The following NFS1 variants were observed in gnomAD, a reference collection of about 807,000 sequenced individuals.
The protein encoded by NFS1 is cysteine desulfurase.
A neutral mutation model predicts 57.3 loss-of-function variants in NFS1; 26 were observed. The observed-to-expected ratio is 0.45, with a 90% CI of 0.33 to 0.63. The LOEUF is 0.63. Among genes scored for constraint, NFS1 ranks in the 20% least tolerant of loss-of-function variants. The pLI is 0.02. For synonymous variants in NFS1, 209 were observed against 216.3 expected (o/e 0.97, Z 0.30); for missense variants, 505 against 605.8 (o/e 0.83, Z 1.75).
Position 35,669,697 on chromosome 20 carries a change from A to G in NFS1, c.1311-12T>C, listed in dbSNP as rs751840049. 28 of 1,613,506 alleles carry G rather than the reference A, an allele frequency of 1.7e-5. No individual in the cohort carries two copies. The highest frequency in any genetic ancestry group is 2.1e-5 in the Non-Finnish European group (25 of 1,179,628). On this transcript the variant is annotated splice_polypyrimidine_tract_variant and intron_variant, in intron 12 of 12. Coordinates refer to ENST00000374092, the MANE Select transcript of NFS1 (RefSeq NM_021100.5). Reference sequence around the variant, plus strand: ...TCTCCCAGAGAGGGCTGCCAAAGAGAAGAGGCATTAAATGAGTGAGGGCTT... The same window carrying G: ...TCTCCCAGAGAGGGCTGCCAAAGAGGAGAGGCATTAAATGAGTGAGGGCTT...
intron 12 of NFS1, among the ~76,000 whole-genome samples, chr20:35,669,976 C>A (rs1004499386): frequency 6.6e-6 from 1 of 152,230 alleles, no homozygotes; most frequent in African/African-American, 2.4e-5. Flanking sequence ...TGGTCATATT[C>A]TTGAAGCTTT....
At chr20:35,676,758 GAAAAAAAAAAAAA>G (rs746820595) in intron 7 of NFS1, among the ~76,000 whole-genome samples, 3 of 18,136 alleles carry the variant, frequency 1.7e-4, no homozygotes, top group Non-Finnish European at 1.8e-4. Context: ...GAGAAAATCA[GAAAAAAAAAAAAA>G]AAAAAAAAAA....
At chr20:35,684,084 G>A (rs2034897019) in intron 5 of NFS1, among the ~76,000 whole-genome samples, 1 of 152,082 alleles carries the variant, frequency 6.6e-6, no homozygotes, top group Admixed American at 6.6e-5. Context: ...TTGCACTCCA[G>A]CTGGGGCGAC....
intron 4 of NFS1, 57 bp downstream of exon 4, chr20:35,696,320 G>T: frequency 8.7e-7 from 1 of 1,147,394 alleles, no homozygotes; most frequent in Non-Finnish European, 1.3e-6. Context: ...ATGATGGAGG[G>T]ACACTATCTC....
intron 2 of NFS1, 57 bp downstream of exon 2, chr20:35,698,424 T>C: frequency 7.8e-7 from 1 of 1,276,620 alleles, no homozygotes; most frequent in East Asian, 2.5e-5. Flanking sequence ...TTTCTTTGCG[T>C]GATCACGCCC....
In NFS1 at chr20:35,699,303, A is replaced by G; in HGVS notation, c.-15T>C. The G allele has an allele frequency of 7.2e-7, 1 of 1,398,248 alleles. No homozygotes were observed. The highest frequency in any genetic ancestry group is 9.2e-7 in the Non-Finnish European group (1 of 1,083,904). 86.6% of individuals were successfully genotyped at this position (1,398,248 alleles called of 1,614,324 possible). ...CGGAGCAGCATGGTCCCGCTGGCAG[A>G]GCCCACCTTCCGAAGCCGCTGCAGT... On this transcript the variant is annotated 5_prime_UTR_variant, in exon 1 of 13. Coordinates refer to ENST00000374092, the MANE Select transcript of NFS1 (RefSeq NM_021100.5). This position sits in a 1 kb window ranked among gnomAD's most constrained non-coding sequence, Gnocchi z 4.4.
rs1020356612 is a variant in NFS1, at chr20:35,669,261, A to G, written c.*361T>C. The G allele has an allele frequency of 5.6e-6, 1 of 178,858 alleles. No homozygotes were observed. The highest frequency in any genetic ancestry group is 2.4e-5 in the African/African-American group (1 of 42,430). 11.1% of individuals were successfully genotyped at this position (178,858 alleles called of 1,614,324 possible). A position where few individuals can be genotyped will look rare whatever the true frequency, so the allele number is the denominator to read the frequency against. Reference sequence around the variant, plus strand: ...GCAGCAGCAGAAGACGAAGACTCAAATGTCCATGTAGAGCATCATGGTCCC... The same window carrying G: ...GCAGCAGCAGAAGACGAAGACTCAAGTGTCCATGTAGAGCATCATGGTCCC... On this transcript the variant is annotated 3_prime_UTR_variant, in exon 13 of 13. Transcript: ENST00000374092.
rs371564648 is a variant in NFS1 at position 35,690,405 on chromosome 20, A to G, written c.561+8T>C. Reference sequence around the variant, plus strand: ...ATTTTTGCTCCTCCTGCCAATAGCCACTCCTACCTTTAGGTCAATGATCCC... The same window carrying G: ...ATTTTTGCTCCTCCTGCCAATAGCCGCTCCTACCTTTAGGTCAATGATCCC... On this transcript the variant is annotated splice_region_variant and intron_variant, in intron 5 of 12. Transcript: ENST00000374092. 6.2e-7 allele frequency: 1 copy of G among 1,610,132 alleles called. No homozygotes were observed.
Position 35,668,066 on chromosome 20 carries a change from A to G in NFS1, c.*1556T>C, listed in dbSNP as rs900651472. On this transcript the variant is annotated 3_prime_UTR_variant, in exon 13 of 13. Coordinates refer to ENST00000374092, the MANE Select transcript of NFS1 (RefSeq NM_021100.5). ...CCAAATTAGCATAGTTTTATGTAAGACTTTTTAATTAGAGGAAAACTGGTA... is the reference window on the plus strand; with the variant it reads ...CCAAATTAGCATAGTTTTATGTAAGGCTTTTTAATTAGAGGAAAACTGGTA... 6.6e-6 allele frequency: 1 copy of G among 152,220 alleles called. No homozygotes were observed. The highest frequency in any genetic ancestry group is 2.4e-5 in the African/African-American group (1 of 41,456). The allele number at this position is 152,220 out of a possible 1,614,324, so 9.4% of individuals were successfully genotyped here.
intron 7 of NFS1, among the ~76,000 whole-genome samples, chr20:35,679,238 C>A (rs1037751207): frequency 2.6e-5 from 4 of 152,172 alleles, no homozygotes; most frequent in Non-Finnish European, 4.4e-5. Flanking sequence ...GTCGCCCAGG[C>A]AGTGGTGTGA....
At chr20:35,674,294 T>C (rs2034702095) in intron 10 of NFS1, 56 bp downstream of exon 10, 12 of 1,383,182 alleles carry the variant, frequency 8.7e-6, no homozygotes, top group Middle Eastern at 2.3e-4. Flanking sequence ...TTTAATAGCC[T>C]GTATGACTCT....
chr20:35,698,810 TA>T (rs1237484322), intron 1 of NFS1: 1 of 1,379,432 alleles, frequency 7.2e-7, no homozygotes, highest in Non-Finnish European at 9.3e-7. Context: ...GTTGAGTTGA[TA>T]TTCAAATGGT....
At chr20:35,678,287 G>A (rs1282145494) in intron 7 of NFS1, among the ~76,000 whole-genome samples, 7 of 152,212 alleles carry the variant, frequency 4.6e-5, no homozygotes, top group South Asian at 2.1e-4. Flanking sequence ...CCCTGGAGGC[G>A]GAGCTTGCAG....
chr20:35,669,529 A>C lies in NFS1; in HGVS notation c.*93T>G. 2.7e-6 allele frequency: 3 copies of C among 1,107,764 alleles called. No homozygotes were observed. Among genetic ancestry groups the C allele is most frequent in the Non-Finnish European group, 4.2e-6 (3 of 721,286 alleles). 68.6% of individuals were successfully genotyped at this position (1,107,764 alleles called of 1,614,324 possible). On this transcript the variant is annotated 3_prime_UTR_variant, in exon 13 of 13. Transcript: ENST00000374092. ...GAAGTCAACTGGTCTATACCAATCT[A>C]GAGCATCCACTAGGTGTAACAAGGT...
rs2034598167 is a variant in NFS1, at chr20:35,668,131, A to C, written c.*1491T>G. ...CTACTATCTTTGCAACTTTTCAGTA[A>C]ATCTAAAATTATTCTAAGTAAAAAA... On this transcript the variant is annotated 3_prime_UTR_variant, in exon 13 of 13. Transcript: ENST00000374092. 1 of 152,232 alleles carries C rather than the reference A, an allele frequency of 6.6e-6. No individual in the cohort carries two copies. Among genetic ancestry groups the C allele is most frequent in the African/African-American group, 2.4e-5 (1 of 41,468 alleles). The allele number at this position is 152,232 out of a possible 1,614,324, so 9.4% of individuals were successfully genotyped here. A position where few individuals can be genotyped will look rare whatever the true frequency, so the allele number is the denominator to read the frequency against.
At position 35,697,684 on chromosome 20, in the gene NFS1, C is replaced by A; in HGVS notation, c.324G>T (p.Gln108His). The A allele has an allele frequency of 6.2e-7, 1 of 1,609,816 alleles. No homozygotes were observed. Among genetic ancestry groups the A allele is most frequent in the Non-Finnish European group, 8.5e-7 (1 of 1,177,332 alleles). ...ESEAAMERARQQVASLIGADP... is the reference protein window; with the variant it reads ...ESEAAMERARHQVASLIGADP... ...ACCTCCTAGACTCCTGTGTACTAAC[C>A]TGACGAGCACGTTCCATGGCTGCCT... The change falls in exon 3 of 13, where the codon CAG becomes CAT. Residue 108 changes from glutamine (Q) to histidine (H), a missense_variant and splice_region_variant. Physicochemically the swap from Gln to His is conservative, Grantham distance 24. Coordinates refer to ENST00000374092, the MANE Select transcript of NFS1 (RefSeq NM_021100.5).
intron 12 of NFS1, 89 bp from the exon 13 acceptor site, chr20:35,669,774 CCTT>C (rs1450262734): frequency 5.0e-6 from 6 of 1,195,132 alleles, no homozygotes; most frequent in African/African-American, 3.0e-5. Context: ...TGGCTTGCCT[CCTT>C]CTGTCCCTGT....
intron 4 of NFS1, 52 bp downstream of exon 4, chr20:35,696,325 T>C: frequency 8.2e-7 from 1 of 1,214,786 alleles, no homozygotes. Context: ...GGAGGGACAC[T>C]ATCTCCTAGG....
chr20:35,674,731 T>A (rs1412656356), intron 8 of NFS1, 114 bp from the exon 9 acceptor site: 7 of 819,734 alleles, frequency 8.5e-6, no homozygotes, highest in Non-Finnish European at 1.2e-5. Flanking sequence ...CCACCTATCA[T>A]CCTATGTACT....
Sources: allele counts gnomAD v4.1 joint callset (sites outside exome capture counted in the v4.1 genomes callset), GRCh38; gene constraint gnomAD v4.1.1; non-coding constraint Gnocchi (gnomAD v3.1); transcripts MANE v1.5; gene names NCBI Gene and HGNC (gene_info 2026-07-23, HGNC 2026-07-21).